The following RABEPK variants were observed in gnomAD, a reference collection of about 807,000 sequenced individuals.
The protein encoded by RABEPK is 40 kDa Rab9 effector protein.
RABEPK carries 27 observed loss-of-function variants against 34.1 expected under a neutral mutation model. The ratio of observed to expected loss-of-function variants is 0.79; its 90% CI spans 0.58 to 1.09. The LOEUF (loss-of-function observed/expected upper bound fraction) is 1.09, where lower values mean the gene tolerates loss of function less well. Ranked by LOEUF, RABEPK falls within the 50% of genes least tolerant of loss-of-function variation. The probability of loss-of-function intolerance (pLI) is 0.00; values close to 1 mark genes in which losing one functional copy is unlikely to be tolerated. For missense variants in RABEPK, 449 were observed against 462.6 expected (o/e 0.97, Z 0.27); for synonymous variants, 172 against 169.2 (o/e 1.02, Z -0.13).
intron 6 of RABEPK, among the ~76,000 whole-genome samples, chr9:125,231,724 C>T (rs1487885174): frequency 6.6e-6 from 1 of 151,556 alleles, no homozygotes; most frequent in African/African-American, 2.4e-5. Context: ...TTGCTTGAAC[C>T]TGGGAGTCAA....
intron 6 of RABEPK, among the ~76,000 whole-genome samples, chr9:125,232,057 G>A (rs1588418810): frequency 1.3e-5 from 2 of 151,720 alleles, no homozygotes; most frequent in South Asian, 4.2e-4. Context: ...GCACCACCAT[G>A]CCTGGCTAAT....
Position 125,232,679 on chromosome 9 carries a change from CAT to C in RABEPK, c.761_762del (p.His254ArgfsTer30), listed in dbSNP as rs777035658. 47 of 1,614,016 alleles carry C rather than the reference CAT, an allele frequency of 2.9e-5. No individual in the cohort carries two copies. The highest frequency in any genetic ancestry group is 1.6e-4 in the Middle Eastern group (1 of 6,080). ...CCACTCAGCTGTGGCCATGGGAAAA[CAT>C]GTGTACATCTTTGGTGGAATGACTC... ...AAHSAVAMGK[H>X]VYIFGGMTPA... On this transcript the variant is annotated frameshift_variant, in exon 7 of 8. Transcript: ENST00000373538. LOFTEE classifies it high-confidence loss of function.
intron 6 of RABEPK, among the ~76,000 whole-genome samples, chr9:125,231,825 G>A (rs1053441637): frequency 6.6e-6 from 1 of 151,786 alleles, no homozygotes; most frequent in Non-Finnish European, 1.5e-5. Context: ...ATTTCATAGG[G>A]CTGTTATGAA....
chr9:125,206,065 G>A (rs1307098713), intron 2 of RABEPK, among the ~76,000 whole-genome samples: 1 of 152,150 alleles, frequency 6.6e-6, no homozygotes, highest in African/African-American at 2.4e-5. Context: ...AAGCCTGGCT[G>A]GGAGAAAGGC....
At chr9:125,229,748 A>G (rs1832041711) in intron 6 of RABEPK, among the ~76,000 whole-genome samples, 1 of 152,190 alleles carries the variant, frequency 6.6e-6, no homozygotes, top group East Asian at 1.9e-4. Context: ...CATGCTTTTC[A>G]TGTTAAATGG....
chr9:125,216,786 G>C (rs1481776250), intron 4 of RABEPK, among the ~76,000 whole-genome samples: 6 of 151,912 alleles, frequency 3.9e-5, no homozygotes, highest in South Asian at 2.1e-4. Flanking sequence ...CATACTGAAA[G>C]CCCGTCTCTA....
intron 3 of RABEPK, among the ~76,000 whole-genome samples, chr9:125,209,741 T>A (rs1294993277): frequency 1.3e-5 from 2 of 152,168 alleles, no homozygotes; most frequent in African/African-American, 2.4e-5. Context: ...CTGGCCTCCA[T>A]GCCTTTGCAC....
intron 3 of RABEPK, among the ~76,000 whole-genome samples, chr9:125,208,006 A>G (rs1588336397): frequency 6.6e-6 from 1 of 152,190 alleles, no homozygotes; most frequent in African/African-American, 2.4e-5. Context: ...GGGCACCTGT[A>G]GTCCCAGCTA....
chr9:125,220,242 TC>T, intron 4 of RABEPK: 2 of 1,232,868 alleles, frequency 1.6e-6, no homozygotes. Flanking sequence ...CCTCAAGTGA[TC>T]CGCCCGCCTT....
chr9:125,232,345 T>C (rs991520280), intron 6 of RABEPK, among the ~76,000 whole-genome samples: 5 of 152,188 alleles, frequency 3.3e-5, no homozygotes, highest in African/African-American at 1.2e-4. Context: ...ATCACATTTC[T>C]GTGTGATCCA....
Position 125,203,051 on chromosome 9 carries a change from C to T in RABEPK, c.38C>T (p.Pro13Leu). Reference sequence around the variant, plus strand: ...CCAGTCTTGGAACCTGGAGACAAGCCCAGGAAAGCAACATGGTCTGTAAGG... The same window carrying T: ...CCAGTCTTGGAACCTGGAGACAAGCTCAGGAAAGCAACATGGTCTGTAAGG... ...QLPVLEPGDK[P>L]RKATWYTLTV... The change falls in exon 2 of 8, where the codon CCC (proline) becomes CTC (leucine). Residue 13 changes from proline (P) to leucine (L), a missense_variant. Transcript: ENST00000373538. 6.2e-7 allele frequency: 1 copy of T among 1,613,212 alleles called. No individual in the cohort carries two copies. The highest frequency in any genetic ancestry group is 8.5e-7 in the Non-Finnish European group (1 of 1,179,542).
intron 4 of RABEPK, among the ~76,000 whole-genome samples, chr9:125,218,683 C>G (rs1831116385): frequency 6.6e-6 from 1 of 152,158 alleles, no homozygotes; most frequent in South Asian, 2.1e-4. Flanking sequence ...TAAATTCCAA[C>G]TCAGCCATTT....
chr9:125,213,409 T>G lies in RABEPK; in HGVS notation c.251T>G (p.Leu84Trp). Residue 84 changes from leucine (L) to tryptophan (W), a missense_variant, in exon 4 of 8, where the codon TTG (leucine) becomes TGG (tryptophan). Physicochemically the swap from Leu to Trp is moderately conservative, Grantham distance 61 (BLOSUM62 -2). Coordinates refer to ENST00000373538, the MANE Select transcript of RABEPK (RefSeq NM_005833.4). ...QWDLDTCKGL[L>W]PRYEHASFIP... ...GACTTAGATACCTGCAAGGGCCTCT[T>G]GCCCCGGTATGAACATGCTAGCTTC... 6.2e-7 allele frequency: 1 copy of G among 1,614,000 alleles called. No individual in the cohort carries two copies. Among genetic ancestry groups the G allele is most frequent in the Non-Finnish European group, 8.5e-7 (1 of 1,179,970 alleles).
intron 4 of RABEPK, among the ~76,000 whole-genome samples, chr9:125,218,662 C>G (rs1366249795): frequency 6.6e-6 from 1 of 152,150 alleles, no homozygotes; most frequent in Non-Finnish European, 1.5e-5. Context: ...CTTGGTGTTA[C>G]TGAAAGAGTT....
At chr9:125,214,502 A>T (rs948083594) in intron 4 of RABEPK, among the ~76,000 whole-genome samples, 3 of 152,124 alleles carry the variant, frequency 2.0e-5, no homozygotes, top group African/African-American at 7.2e-5. Context: ...CACTGGCAAG[A>T]CATTTTGTTT....
At chr9:125,229,273 G>GAA (rs140885862) in intron 6 of RABEPK, among the ~76,000 whole-genome samples, 1 of 146,650 alleles carries the variant, frequency 6.8e-6, no homozygotes, top group East Asian at 2.0e-4. Flanking sequence ...AAGAAAAAAA[G>GAA]AAAAAAAAAA....
intron 2 of RABEPK, among the ~76,000 whole-genome samples, chr9:125,204,841 GA>G (rs111243717): frequency 0.033 from 4,997 of 152,072 alleles, 239 homozygotes; most frequent in African/African-American, 0.11. Flanking sequence ...TTATTTTTGA[GA>G]CAAGTTCTTC....
intron 3 of RABEPK, among the ~76,000 whole-genome samples, chr9:125,212,076 T>C (rs1830625106): frequency 6.6e-6 from 1 of 152,202 alleles, no homozygotes; most frequent in Non-Finnish European, 1.5e-5. Context: ...TTTGTGACCC[T>C]GGCTACACCA....
In RABEPK at chr9:125,232,870, G is replaced by T. The variant is rs1796160908; in HGVS notation, c.826+125G>T. 2.0e-5 allele frequency: 19 copies of T among 950,548 alleles called. No homozygotes were observed. In the South Asian group the frequency reaches 3.3e-4, roughly 17 times the overall value. 58.9% of individuals were successfully genotyped at this position (950,548 alleles called of 1,614,324 possible). A position where few individuals can be genotyped will look rare whatever the true frequency, so the allele number is the denominator to read the frequency against. On this transcript the variant is annotated intron_variant, in intron 7 of 7. Transcript: ENST00000373538. ...AGGCAGGCAGATCACGAGGTCAGGAGATCGAGACCATCCTGACCAACATGG... is the reference window on the plus strand; with the variant it reads ...AGGCAGGCAGATCACGAGGTCAGGATATCGAGACCATCCTGACCAACATGG...
Sources: gnomAD v4.1 joint callset for allele counts (sites outside exome capture counted in the v4.1 genomes callset) on GRCh38, gnomAD v4.1.1 for gene constraint, MANE v1.5 for transcripts, NCBI Gene and HGNC (gene_info 2026-07-23, HGNC 2026-07-21) for gene names.